AIFM1: variants seen among roughly 807,000 people sequenced by gnomAD.
AIFM1 encodes the protein apoptosis-inducing factor 1, mitochondrial.
In AIFM1, 3 loss-of-function variants were observed where a neutral mutation model predicts 51.7. The ratio of observed to expected loss-of-function variants is 0.06; its 90% confidence interval spans 0.03 to 0.15. The LOEUF is 0.15. AIFM1 is among the 10% of genes least tolerant of loss of function. The pLI is 1.00. For missense variants in AIFM1, 330 were observed against 476.8 expected (o/e 0.69, Z 2.87); for synonymous variants, 178 against 179.4 (o/e 0.99, Z 0.06).
At chrX:130,156,729 G>A (rs2031175507) in intron 1 of AIFM1, 126 bp from the exon 2 acceptor site, 4 of 740,582 alleles carry the variant, frequency 5.4e-6, no homozygotes, top group South Asian at 2.3e-5. Flanking sequence ...AAATGATCAA[G>A]AAAAATATCA....
intron 14 of AIFM1, among the ~76,000 whole-genome samples, chrX:130,130,556 T>C (rs1399162858): frequency 8.9e-6 from 1 of 112,808 alleles, no homozygotes; most frequent in Non-Finnish European, 1.9e-5. Context: ...GCCACAGCCA[T>C]GTAAATGAAC....
chrX:130,156,350 TCC>T, intron 2 of AIFM1, 109 bp downstream of exon 2: 1 of 1,062,742 alleles, frequency 9.4e-7, no homozygotes, highest in Admixed American at 2.3e-5. Flanking sequence ...TGAAAATTTT[TCC>T]AAAAGGAGAA....
At chrX:130,153,352 C>CAAAAAAA (rs35771131) in intron 2 of AIFM1, among the ~76,000 whole-genome samples, 1 of 42,860 alleles carries the variant, frequency 2.3e-5, no homozygotes, top group Non-Finnish European at 4.0e-5. Context: ...GACTCCGTTT[C>CAAAAAAA]AAAAAAAAAA....
intron 7 of AIFM1, among the ~76,000 whole-genome samples, 190 bp from the exon 8 acceptor site, chrX:130,140,061 G>C (rs187486840): frequency 1.4e-3 from 162 of 112,310 alleles, no homozygotes; most frequent in South Asian, 3.0e-3. Context: ...CCTTTGAGAA[G>C]CAGATTTGAG....
intron 2 of AIFM1, among the ~76,000 whole-genome samples, chrX:130,150,529 G>T (rs2030929181): frequency 9.7e-6 from 1 of 102,786 alleles, no homozygotes; most frequent in African/African-American, 3.5e-5. Context: ...TAGAGACGGG[G>T]TTTCACCGTT....
intron 7 of AIFM1, 123 bp from the exon 8 acceptor site, chrX:130,139,994 G>C (rs2124656557): frequency 1.7e-6 from 1 of 604,008 alleles, no homozygotes; most frequent in African/African-American, 2.2e-5. Context: ...CAACAGGATA[G>C]GATACCAAGG....
Position 130,130,126 on chromosome X carries a change from G to A in AIFM1, c.1614C>T (p.Ala538=). Residue 538 remains alanine (A), a synonymous_variant, in exon 15 of 16, where the codon GCC becomes GCT. Transcript: ENST00000287295. ...IRSESETESE[A]SEITIPPSTP... ...TGCTGGGAGGAATAGTAATTTCTGA[G>A]GCCTCGGACTCTGTCTCACTCTCTG... The A allele has an allele frequency of 8.3e-7, 1 of 1,211,827 alleles. No individual in the cohort carries two copies. Among genetic ancestry groups the A allele is most frequent in the Non-Finnish European group, 1.1e-6 (1 of 895,516 alleles).
At chrX:130,159,123 C>T (rs12390789) in intron 1 of AIFM1, among the ~76,000 whole-genome samples, 3,172 of 111,733 alleles carry the variant, frequency 0.028, 99 homozygotes, top group African/African-American at 0.093. Flanking sequence ...TGACCAATCA[C>T]GCTAAGTGAT....
chrX:130,161,911 G>A (rs2031366293), intron 1 of AIFM1, among the ~76,000 whole-genome samples: 1 of 112,053 alleles, frequency 8.9e-6, no homozygotes, highest in African/African-American at 3.2e-5. Flanking sequence ...CTAGCTATCA[G>A]CCTTTTTTAA....
At chrX:130,158,823 T>C (rs769452205) in intron 1 of AIFM1, among the ~76,000 whole-genome samples, 1 of 110,963 alleles carries the variant, frequency 9.0e-6, no homozygotes, top group South Asian at 3.8e-4. Flanking sequence ...CTGATACTTA[T>C]GTCCCTGTCC....
At position 130,130,093 on chromosome X, in the gene AIFM1, T is replaced by C. The variant is rs1057515767; in HGVS notation, c.1647A>G (p.Ala549=). ...CCCCCTGGACGGGAGCCTGTGGAACTGCCGGGGTGCTGGGAGGAATAGTAA... is the reference window on the plus strand; with the variant it reads ...CCCCCTGGACGGGAGCCTGTGGAACCGCCGGGGTGCTGGGAGGAATAGTAA... ...SEITIPPSTP[A]VPQAPVQGED... The change falls in exon 15 of 16, where the codon GCA becomes GCG. Residue 549 remains alanine, a synonymous_variant. Transcript: ENST00000287295. 8.3e-6 allele frequency: 10 copies of C among 1,210,090 alleles called. No homozygotes were observed. The East Asian group carries it at 2.7e-4, about 32-fold the overall frequency.
intron 5 of AIFM1, among the ~76,000 whole-genome samples, chrX:130,147,087 G>A (rs771976660): frequency 9.0e-5 from 10 of 111,538 alleles, no homozygotes; most frequent in Non-Finnish European, 1.5e-4. Context: ...GCTTGAACCC[G>A]GGAGGTGGAG....
At chrX:130,165,249 TG>T (rs1245179158) in intron 1 of AIFM1, among the ~76,000 whole-genome samples, 1 of 56,913 alleles carries the variant, frequency 1.8e-5, no homozygotes, top group African/African-American at 7.3e-5. Context: ...AAAAGGGGGG[TG>T]GGGGGTGGGG....
chrX:130,154,077 C>T (rs1384575776), intron 2 of AIFM1, among the ~76,000 whole-genome samples: 2 of 112,497 alleles, frequency 1.8e-5, no homozygotes, highest in Non-Finnish European at 3.8e-5. Flanking sequence ...CTGTACATAA[C>T]AGTTCAATAA....
At chrX:130,139,599 A>G (rs1381720530) in intron 8 of AIFM1, among the ~76,000 whole-genome samples, 196 bp downstream of exon 8, 1 of 110,891 alleles carries the variant, frequency 9.0e-6, no homozygotes, top group Non-Finnish European at 1.9e-5. Context: ...TTTTTTCCCT[A>G]GGAGCTTAAA....
chrX:130,147,634 A>G lies in AIFM1; in HGVS notation c.475-11T>C. ...AGATACAATCAGTACCTTCAGACAT[A>G]AAAATCATGACGCTTATCAGAGCCA... On this transcript the variant is annotated splice_polypyrimidine_tract_variant and intron_variant, in intron 4 of 15. Coordinates refer to ENST00000287295, the MANE Select transcript of AIFM1 (RefSeq NM_004208.4). 8.3e-7 allele frequency: 1 copy of G among 1,212,056 alleles called. No homozygotes were observed. Among genetic ancestry groups the G allele is most frequent in the Admixed American group, 2.2e-5 (1 of 46,048 alleles).
intron 2 of AIFM1, among the ~76,000 whole-genome samples, chrX:130,150,969 CTCTG>C (rs2030947493): frequency 3.4e-5 from 1 of 29,243 alleles, no homozygotes; most frequent in Non-Finnish European, 5.4e-5. Flanking sequence ...TAGAGTGAGA[CTCTG>C]TCTCAAAAAA....
At chrX:130,153,306 T>A (rs1441693047) in intron 2 of AIFM1, among the ~76,000 whole-genome samples, 1 of 88,977 alleles carries the variant, frequency 1.1e-5, no homozygotes, top group Non-Finnish European at 2.1e-5. Flanking sequence ...TTAGCCGAGA[T>A]CGCGCCACTG....
chrX:130,143,825 C>T lies in AIFM1; in HGVS notation c.696+1654G>A, dbSNP rs750485147. Among the ~76,000 whole-genome samples, 58 of 109,165 alleles carry T rather than the reference C, an allele frequency of 5.3e-4. No individual in the cohort carries two copies. In the South Asian group the frequency reaches 5.6e-3, roughly 10 times the overall value. The allele number at this position is 109,165 out of a possible 115,157, so 94.8% of individuals were successfully genotyped here. ...TCATGCCACCGTACTCCAGCCTGGG[C>T]GACAGAGTGAGAATCTGTCTCAAAA... On this transcript the variant is annotated intron_variant, in intron 6 of 15. Coordinates refer to ENST00000287295, the MANE Select transcript of AIFM1 (RefSeq NM_004208.4).
Sources: allele counts gnomAD v4.1 joint callset (sites outside exome capture counted in the v4.1 genomes callset), GRCh38; gene constraint gnomAD v4.1.1; transcripts MANE v1.5; gene names NCBI Gene and HGNC (gene_info 2026-07-23, HGNC 2026-07-21).